The following PRKG1 variants were observed in gnomAD, a reference collection of about 807,000 sequenced individuals.
PRKG1 encodes the protein cGMP-dependent protein kinase 1.
PRKG1 carries 35 observed loss-of-function variants against 88.1 expected under a neutral mutation model. The observed-to-expected ratio is 0.40, with a 90% CI of 0.30 to 0.53. PRKG1 has a LOEUF of 0.53. Among genes scored for constraint, PRKG1 ranks in the 20% least tolerant of loss-of-function variants. The probability of loss-of-function intolerance (pLI) is 0.59; values close to 1 mark genes in which losing one functional copy is unlikely to be tolerated. For synonymous variants in PRKG1, 303 were observed against 292.5 expected (o/e 1.04, Z -0.37); for missense variants, 540 against 839.8 (o/e 0.64, Z 4.41).
intron 4 of PRKG1, among the ~76,000 whole-genome samples, chr10:51,846,781 C>T (rs1322927427): frequency 6.6e-6 from 1 of 152,068 alleles, no homozygotes; most frequent in African/African-American, 2.4e-5. Context: ...CAAGTTTAAA[C>T]TGAATCATTT....
intron 5 of PRKG1, among the ~76,000 whole-genome samples, chr10:52,001,355 T>C (rs1237990395): frequency 7.7e-6 from 1 of 129,340 alleles, no homozygotes; most frequent in African/African-American, 3.1e-5. Flanking sequence ...ATTTCAAGTG[T>C]TCTCACCATA....
chr10:52,009,266 G>C (rs576125233), intron 5 of PRKG1, among the ~76,000 whole-genome samples: 21 of 152,210 alleles, frequency 1.4e-4, no homozygotes, highest in African/African-American at 5.1e-4. Flanking sequence ...TCTATATCTA[G>C]AAAACCCCAT....
intron 5 of PRKG1, among the ~76,000 whole-genome samples, chr10:51,993,021 T>C (rs1844351703): frequency 6.6e-6 from 1 of 152,188 alleles, no homozygotes; most frequent in Non-Finnish European, 1.5e-5. Context: ...AGAATCAAAT[T>C]GAAGGCATTC....
intron 3 of PRKG1, among the ~76,000 whole-genome samples, chr10:51,720,910 A>G (rs1028647291): frequency 2.0e-5 from 3 of 152,238 alleles, no homozygotes; most frequent in East Asian, 1.9e-4. Flanking sequence ...GATGGTTAGT[A>G]AAACAACATG....
intron 3 of PRKG1, among the ~76,000 whole-genome samples, chr10:51,755,611 C>T (rs945436979): frequency 6.6e-6 from 1 of 152,172 alleles, no homozygotes; most frequent in Non-Finnish European, 1.5e-5. Flanking sequence ...TGTAAACCAA[C>T]CTTTTCAAAT....
At chr10:52,185,357 C>T (rs1433423894) in intron 9 of PRKG1, among the ~76,000 whole-genome samples, 2 of 152,220 alleles carry the variant, frequency 1.3e-5, no homozygotes, top group African/African-American at 2.4e-5. Flanking sequence ...CATCCCACAT[C>T]CAGTGCACAC....
intron 5 of PRKG1, among the ~76,000 whole-genome samples, chr10:52,039,374 A>G (rs540197269): frequency 2.6e-5 from 4 of 152,122 alleles, no homozygotes; most frequent in Admixed American, 6.5e-5. Context: ...GGACTTTCAC[A>G]AGGTAATGTC....
chr10:52,084,110 A>T (rs1288898419), intron 7 of PRKG1, among the ~76,000 whole-genome samples: 1 of 152,052 alleles, frequency 6.6e-6, no homozygotes, highest in Non-Finnish European at 1.5e-5. Flanking sequence ...ATATTTGCTC[A>T]TAAGATAGCC....
intron 3 of PRKG1, among the ~76,000 whole-genome samples, chr10:51,485,722 G>A (rs1238972789): frequency 6.6e-6 from 1 of 151,984 alleles, no homozygotes; most frequent in Non-Finnish European, 1.5e-5. Flanking sequence ...ATATAAGCTG[G>A]CAAAAAGCTT....
At chr10:51,394,930 T>A (rs1837536057) in intron 2 of PRKG1, among the ~76,000 whole-genome samples, 2 of 152,192 alleles carry the variant, frequency 1.3e-5, no homozygotes, top group African/African-American at 4.8e-5. Flanking sequence ...ATTCTTAAAT[T>A]TTTTTTCTCT....
intron 6 of PRKG1, among the ~76,000 whole-genome samples, chr10:52,057,637 TC>T (rs1318796357): frequency 1.3e-5 from 2 of 152,156 alleles, no homozygotes; most frequent in African/African-American, 4.8e-5. Flanking sequence ...CTGATTCCAT[TC>T]AACATACCTC....
At chr10:51,712,746 C>T (rs558769574) in intron 3 of PRKG1, among the ~76,000 whole-genome samples, 2 of 151,870 alleles carry the variant, frequency 1.3e-5, no homozygotes, top group East Asian at 1.9e-4. Flanking sequence ...CCCGCCACCA[C>T]GCCCGGCTAA....
intron 3 of PRKG1, among the ~76,000 whole-genome samples, chr10:51,720,462 C>T (rs908938239): frequency 6.6e-6 from 1 of 152,166 alleles, no homozygotes; most frequent in African/African-American, 2.4e-5. Flanking sequence ...CCTGTCATGT[C>T]CTGTGCGAAG....
chr10:52,291,727 C>G (rs1842251672), intron 17 of PRKG1, among the ~76,000 whole-genome samples: 2 of 151,658 alleles, frequency 1.3e-5, no homozygotes, highest in Admixed American at 1.3e-4. Context: ...GTGCATGTGT[C>G]TTTATAGCAG....
chr10:51,880,079 A>C (rs1055656604), intron 4 of PRKG1, among the ~76,000 whole-genome samples: 1 of 152,242 alleles, frequency 6.6e-6, no homozygotes, highest in Non-Finnish European at 1.5e-5. Flanking sequence ...CACCTTTTAC[A>C]TCAGAAAGAG....
At chr10:51,143,274 C>A (rs972075229) in intron 1 of PRKG1, among the ~76,000 whole-genome samples, 1 of 152,000 alleles carries the variant, frequency 6.6e-6, no homozygotes, top group African/African-American at 2.4e-5. Context: ...AATATAATAT[C>A]CTCTAGGTTC....
intron 9 of PRKG1, among the ~76,000 whole-genome samples, chr10:52,213,173 A>G (rs185060259): frequency 6.6e-6 from 1 of 152,016 alleles, no homozygotes. Context: ...AAGTATAATA[A>G]AAAAAATAAA....
At chr10:51,515,452 G>A (rs183385927) in intron 3 of PRKG1, among the ~76,000 whole-genome samples, 6 of 152,256 alleles carry the variant, frequency 3.9e-5, no homozygotes, top group Admixed American at 3.3e-4. Flanking sequence ...GTGTCTAGTA[G>A]TAAAATCAGA....
intron 2 of PRKG1, among the ~76,000 whole-genome samples, chr10:51,211,810 TA>T (rs1406642251): frequency 6.6e-6 from 1 of 152,012 alleles, no homozygotes; most frequent in Non-Finnish European, 1.5e-5. Flanking sequence ...TTCAATGAAA[TA>T]AAAGAGGATA....
Sources: allele counts gnomAD v4.1 joint callset (sites outside exome capture counted in the v4.1 genomes callset), GRCh38; gene constraint gnomAD v4.1.1; transcripts MANE v1.5; gene names NCBI Gene and HGNC (gene_info 2026-07-23, HGNC 2026-07-21).